NSD2: variants seen among roughly 807,000 people sequenced by gnomAD.
The protein encoded by NSD2 is nuclear receptor binding SET domain protein 2.
NSD2 carries 12 observed loss-of-function variants against 139.0 expected under a neutral mutation model. The ratio of observed to expected loss-of-function variants is 0.09; its 90% CI spans 0.06 to 0.14. The LOEUF (loss-of-function observed/expected upper bound fraction) is 0.14, where lower values mean the gene tolerates loss of function less well. NSD2 is among the 10% of genes least tolerant of loss of function. The probability of loss-of-function intolerance (pLI) is 1.00; values close to 1 mark genes in which losing one functional copy is unlikely to be tolerated. For synonymous variants in NSD2, 669 were observed against 648.7 expected, an observed-to-expected ratio of 1.03 and a Z score of -0.48; for missense variants, 1,155 against 1,745.0, an observed-to-expected ratio of 0.66 and a Z score of 6.02.
rs1727119421 is a variant in NSD2, at chr4:1,976,733, G to A, written c.3826+54G>A. 2.0e-6 allele frequency: 3 copies of A among 1,509,920 alleles called. No individual in the cohort carries two copies. The highest frequency in any genetic ancestry group is 4.9e-5 in the East Asian group (2 of 40,552). 93.5% of individuals were successfully genotyped at this position (1,509,920 alleles called of 1,614,324 possible). A position where few individuals can be genotyped will look rare whatever the true frequency, so the allele number is the denominator to read the frequency against. On this transcript the variant is annotated intron_variant, in intron 21 of 21. Transcript: ENST00000508803. The surrounding 1 kb of genome is among the most constrained non-coding windows in gnomAD (Gnocchi z 5.3). ...AGCTGTGTCTGTGTGGCAGGCTCCT[G>A]ATGGCGGCTGCTGCCGCTCTTCCTG...
Position 1,982,095 on chromosome 4 carries a change from T to G in NSD2, c.*3186T>G. ...GGGAGGGATATACTGAAATAGAGAG[T>G]TGAGACTTGCCAGTTGGGGGAAAAT... On this transcript the variant is annotated 3_prime_UTR_variant, in exon 22 of 22. Transcript: ENST00000508803. The G allele has an allele frequency of 2.5e-6, 1 of 396,878 alleles. No individual in the cohort carries two copies. Among genetic ancestry groups the G allele is most frequent in the Non-Finnish European group, 4.4e-6 (1 of 225,572 alleles). The allele number at this position is 396,878 out of a possible 1,614,324, so 24.6% of individuals were successfully genotyped here. A position where few individuals can be genotyped will look rare whatever the true frequency, so the allele number is the denominator to read the frequency against.
chr4:1,957,242 C>A (rs1724914930), intron 15 of NSD2, among the ~76,000 whole-genome samples: 1 of 151,876 alleles, frequency 6.6e-6, no homozygotes, highest in Non-Finnish European at 1.5e-5. Flanking sequence ...TCTCTCAGAA[C>A]CCCTTTTGTT....
intron 9 of NSD2, chr4:1,945,855 A>C: frequency 2.8e-6 from 3 of 1,061,936 alleles, no homozygotes; most frequent in Non-Finnish European, 3.4e-6. Context: ...GATGAAAAAT[A>C]AGGTCGTTAT....
rs181418225 is a variant in NSD2 at position 1,955,457 on chromosome 4, G to A, written c.2518+117G>A. The A allele has an allele frequency of 1.6e-5, 22 of 1,348,362 alleles. No individual in the cohort carries two copies. Among genetic ancestry groups the A allele is most frequent in the African/African-American group, 5.9e-5 (4 of 68,288 alleles). The allele number at this position is 1,348,362 out of a possible 1,614,324, so 83.5% of individuals were successfully genotyped here. On this transcript the variant is annotated intron_variant, in intron 13 of 21. Transcript: ENST00000508803. This position sits in a 1 kb window ranked among gnomAD's most constrained non-coding sequence, Gnocchi z 4.7. ...CATTGATGTTGACAGTGTTCTGTGC[G>A]TCTTCACGTTAATAGTATATCACAG...
chr4:1,881,008 A>G (rs1160130443), intron 1 of NSD2, among the ~76,000 whole-genome samples: 1 of 152,208 alleles, frequency 6.6e-6, no homozygotes, highest in African/African-American at 2.4e-5. Flanking sequence ...AGGTGCATAC[A>G]GACATTTACT....
At chr4:1,966,630 C>T (rs1725915695) in intron 18 of NSD2, among the ~76,000 whole-genome samples, 1 of 148,176 alleles carries the variant, frequency 6.7e-6, no homozygotes. Context: ...GCACTCCAGC[C>T]TGGGTGACAG....
At position 1,957,919 on chromosome 4, in the gene NSD2, C is replaced by T; in HGVS notation, c.2882-14C>T. On this transcript the variant is annotated splice_polypyrimidine_tract_variant and intron_variant, in intron 15 of 21. Transcript: ENST00000508803. ...TTTACTAAAATCTTTACTCCTATTT[C>T]ATTGACTTTTTAGCACTGCAAGAAG... 6.2e-7 allele frequency: 1 copy of T among 1,612,248 alleles called. No homozygotes were observed. Among genetic ancestry groups the T allele is most frequent in the Non-Finnish European group, 8.5e-7 (1 of 1,178,808 alleles).
intron 1 of NSD2, among the ~76,000 whole-genome samples, chr4:1,876,270 C>G (rs1055365203): frequency 5.9e-5 from 9 of 151,962 alleles, no homozygotes; most frequent in African/African-American, 2.2e-4. Context: ...ATCTGCTTTC[C>G]TAAAACCACC....
At chr4:1,938,118 G>A (rs1307110316) in intron 7 of NSD2, among the ~76,000 whole-genome samples, 2 of 152,142 alleles carry the variant, frequency 1.3e-5, no homozygotes, top group Non-Finnish European at 2.9e-5. Context: ...ACTCGTATCA[G>A]GTGTCTTAAC....
chr4:1,941,002 T>C (rs929718313), intron 9 of NSD2: 67 of 1,058,346 alleles, frequency 6.3e-5, no homozygotes, highest in Non-Finnish European at 7.7e-5. Flanking sequence ...TGCTTTACAG[T>C]TTGATACGTG....
chr4:1,975,409 G>T lies in NSD2; in HGVS notation c.3621+9G>T. 2.5e-6 allele frequency: 4 copies of T among 1,613,058 alleles called. No homozygotes were observed. The highest frequency in any genetic ancestry group is 3.4e-6 in the Non-Finnish European group (4 of 1,179,112). On this transcript the variant is annotated intron_variant, in intron 20 of 21. Coordinates refer to ENST00000508803, the MANE Select transcript of NSD2 (RefSeq NM_001042424.3). Reference sequence around the variant, plus strand: ...TCGGGGATAGACCAAAGGTAAGGCTGTGGCGCCCTCCTTCCCCCCAGGCTC... The same window carrying T: ...TCGGGGATAGACCAAAGGTAAGGCTTTGGCGCCCTCCTTCCCCCCAGGCTC...
At chr4:1,953,001 G>A in intron 11 of NSD2, 1 of 1,438,108 alleles carries the variant, frequency 7.0e-7, no homozygotes, top group Non-Finnish European at 9.1e-7. Context: ...CTGCTCTCAA[G>A]GAGGAAAGGC....
In NSD2 at chr4:1,959,612, C is replaced by T; in HGVS notation, c.3127C>T (p.Pro1043Ser). 3 of 1,614,144 alleles carry T rather than the reference C, an allele frequency of 1.9e-6. No homozygotes were observed. Among genetic ancestry groups the T allele is most frequent in the Non-Finnish European group, 2.5e-6 (3 of 1,180,032 alleles). ...LNRMLMFECH[P>S]QVCPAGEFCQ... The stretch of plus-strand genomic sequence containing the variant: ...CAGGATGCTGATGTTTGAGTGCCAC[C>T]CGCAGGTGTGTCCCGCGGGCGAGTT... The change falls in exon 17 of 22, where the codon CCG becomes TCG. Residue 1043 changes from proline to serine, a missense_variant. By Grantham distance (74) the Pro-to-Ser change is moderately conservative (BLOSUM62 -1). This residue lies in a region of NSD2 where 139 missense variants were observed against 485.8 expected (regional missense o/e 0.29). Coordinates refer to ENST00000508803, the MANE Select transcript of NSD2 (RefSeq NM_001042424.3).
At chr4:1,935,626 G>A (rs1413671484) in intron 7 of NSD2, among the ~76,000 whole-genome samples, 3 of 152,152 alleles carry the variant, frequency 2.0e-5, no homozygotes, top group Non-Finnish European at 2.9e-5. Context: ...TTGGGAGGCC[G>A]AGGCAGGTGG....
At chr4:1,952,655 C>T (rs1484436819) in intron 11 of NSD2, 1 of 986,222 alleles carries the variant, frequency 1.0e-6, no homozygotes, top group Non-Finnish European at 1.2e-6. Flanking sequence ...TATGAAGACA[C>T]AGTGTCACCT....
At position 1,918,206 on chromosome 4, in the gene NSD2, A is replaced by G. The variant is rs1436841542; in HGVS notation, c.993A>G (p.Glu331=). 5.6e-6 allele frequency: 9 copies of G among 1,613,536 alleles called. No individual in the cohort carries two copies. The highest frequency in any genetic ancestry group is 7.6e-6 in the Non-Finnish European group (9 of 1,179,956). The part of the protein sequence containing the change: ...QWEMGIVQAE[E]AASMSVEERK... Reference sequence around the variant, plus strand: ...AAATGGGCATTGTTCAAGCAGAAGAAGCTGCAAGCATGTCAGTGGAGGAGC... The same window carrying G: ...AAATGGGCATTGTTCAAGCAGAAGAGGCTGCAAGCATGTCAGTGGAGGAGC... Residue 331 remains glutamate (E), a synonymous_variant, in exon 5 of 22, where the codon GAA becomes GAG. Coordinates refer to ENST00000508803, the MANE Select transcript of NSD2 (RefSeq NM_001042424.3).
Position 1,955,109 on chromosome 4 carries a change from T to G in NSD2, c.2339-52T>G, listed in dbSNP as rs1286321584. ...AGTAATTATTAGTTGCTCTTTTCACTATGACTGGAGTCAGTGTTTGGGGTC... is the reference window on the plus strand; with the variant it reads ...AGTAATTATTAGTTGCTCTTTTCACGATGACTGGAGTCAGTGTTTGGGGTC... On this transcript the variant is annotated intron_variant, in intron 12 of 21. Transcript: ENST00000508803. The surrounding 1 kb of genome is among the most constrained non-coding windows in gnomAD (Gnocchi z 4.7). The G allele has an allele frequency of 1.2e-5, 18 of 1,525,496 alleles. No homozygotes were observed. The highest frequency in any genetic ancestry group is 1.9e-5 in the Admixed American group (1 of 53,534). The allele number at this position is 1,525,496 out of a possible 1,614,324, so 94.5% of individuals were successfully genotyped here.
chr4:1,969,556 A>T (rs1017585871), intron 18 of NSD2, among the ~76,000 whole-genome samples: 4 of 151,874 alleles, frequency 2.6e-5, no homozygotes, highest in Non-Finnish European at 5.9e-5. Context: ...AAAAAAAAAA[A>T]AATAGCTGGG....
Position 1,979,425 on chromosome 4 carries a change from A to C in NSD2, c.*516A>C, listed in dbSNP as rs2109037960. 1 of 233,870 alleles carries C rather than the reference A, an allele frequency of 4.3e-6. No homozygotes were observed. Among genetic ancestry groups the C allele is most frequent in the East Asian group, 6.0e-5 (1 of 16,580 alleles). 14.5% of individuals were successfully genotyped at this position (233,870 alleles called of 1,614,324 possible). ...TTGTGATCATTACTCTGCTCTTTGG[A>C]AATGGCTGTATCATTTTTTTGTACT... On this transcript the variant is annotated 3_prime_UTR_variant, in exon 22 of 22. Transcript: ENST00000508803.
Sources: allele counts gnomAD v4.1 joint callset (sites outside exome capture counted in the v4.1 genomes callset), GRCh38; gene constraint gnomAD v4.1.1; regional missense constraint gnomAD v4.1.1; non-coding constraint Gnocchi (gnomAD v3.1); transcripts MANE v1.5; gene names NCBI Gene and HGNC (gene_info 2026-07-23, HGNC 2026-07-21).